The following RBFOX1 variants were observed in gnomAD, a reference collection of about 807,000 sequenced individuals.
RBFOX1 encodes the protein RNA binding fox-1 homolog 1, also known as RNA binding protein fox-1 homolog 1.
A neutral mutation model predicts 57.7 loss-of-function variants in RBFOX1; 8 were observed. The observed-to-expected ratio is 0.14, with a 90% confidence interval of 0.08 to 0.25. The LOEUF is 0.25. Among genes scored for constraint, RBFOX1 ranks in the 10% least tolerant of loss-of-function variants. The probability of loss-of-function intolerance (pLI) is 1.00; values close to 1 mark genes in which losing one functional copy is unlikely to be tolerated. For missense variants in RBFOX1, 611 were observed against 548.5 expected (o/e 1.11, Z -1.14); for synonymous variants, 326 against 222.4 (o/e 1.47, Z -4.15).
chr16:7,573,779 G>C (rs2093033731), intron 5 of RBFOX1, among the ~76,000 whole-genome samples: 1 of 151,926 alleles, frequency 6.6e-6, no homozygotes, highest in African/African-American at 2.4e-5. Flanking sequence ...AGGTTGCAGT[G>C]AGGTAAGATT....
chr16:7,175,272 T>C (rs1429641302), intron 4 of RBFOX1, among the ~76,000 whole-genome samples: 2 of 152,098 alleles, frequency 1.3e-5, no homozygotes, highest in Non-Finnish European at 2.9e-5. Context: ...ATTTTTCAGC[T>C]CCCACTTATA....
chr16:6,199,706 G>T (rs764062696), intron 1 of RBFOX1, among the ~76,000 whole-genome samples: 13 of 152,012 alleles, frequency 8.6e-5, no homozygotes, highest in Non-Finnish European at 1.6e-4. Flanking sequence ...GAGATGAGGG[G>T]GTAGCAGATG....
intron 5 of RBFOX1, among the ~76,000 whole-genome samples, chr16:7,534,417 A>G (rs2080985936): frequency 6.6e-6 from 1 of 152,016 alleles, no homozygotes; most frequent in African/African-American, 2.4e-5. Flanking sequence ...TTAAACACTG[A>G]GGACACACAA....
intron 11 of RBFOX1, among the ~76,000 whole-genome samples, chr16:7,647,115 A>G (rs2063896802): frequency 6.6e-6 from 1 of 152,158 alleles, no homozygotes; most frequent in African/African-American, 2.4e-5. Context: ...CTTCCATTTC[A>G]TCGAGTTCCA....
intron 14 of RBFOX1, chr16:7,693,472 T>A: frequency 1.2e-6 from 1 of 862,068 alleles, no homozygotes; most frequent in Non-Finnish European, 1.8e-6. Context: ...CTAGAAAGTT[T>A]AGTTAAGAAA....
intron 3 of RBFOX1, among the ~76,000 whole-genome samples, chr16:5,655,666 T>G (rs933841643): frequency 6.6e-6 from 1 of 152,170 alleles, no homozygotes; most frequent in Non-Finnish European, 1.5e-5. Flanking sequence ...GCAGATGAAA[T>G]GGGAGTGCAT....
chr16:7,252,828 C>T (rs1273501839), intron 4 of RBFOX1, among the ~76,000 whole-genome samples: 1 of 151,654 alleles, frequency 6.6e-6, no homozygotes, highest in African/African-American at 2.4e-5. Flanking sequence ...GGGATGTGAA[C>T]GTGGTACCTA....
intron 2 of RBFOX1, among the ~76,000 whole-genome samples, chr16:6,554,809 C>G (rs528577402): frequency 1.5e-5 from 2 of 130,748 alleles, no homozygotes; most frequent in Admixed American, 1.4e-4. Flanking sequence ...CACAGATAAA[C>G]ACACAGACAC....
At chr16:7,353,175 A>G (rs1482737088) in intron 4 of RBFOX1, among the ~76,000 whole-genome samples, 2 of 152,182 alleles carry the variant, frequency 1.3e-5, no homozygotes, top group South Asian at 2.1e-4. Context: ...TGTAGCCTAA[A>G]TTGATTCACA....
chr16:6,977,572 G>T (rs1000108665), intron 3 of RBFOX1, among the ~76,000 whole-genome samples: 1 of 152,080 alleles, frequency 6.6e-6, no homozygotes, highest in Non-Finnish European at 1.5e-5. Flanking sequence ...ACACACGTCT[G>T]TGGTTCCTAA....
chr16:6,511,144 G>T (rs1373818927), intron 2 of RBFOX1, among the ~76,000 whole-genome samples: 1 of 152,144 alleles, frequency 6.6e-6, no homozygotes, highest in Admixed American at 6.6e-5. Flanking sequence ...GTGCCTCCTG[G>T]TGTTACGCTG....
At chr16:5,395,687 G>A (rs1274946812) in intron 1 of RBFOX1, among the ~76,000 whole-genome samples, 1 of 152,208 alleles carries the variant, frequency 6.6e-6, no homozygotes, top group East Asian at 1.9e-4. Flanking sequence ...TTAGCCAACA[G>A]AATGTGGCAA....
At chr16:5,357,375 G>T (rs2065419802) in intron 1 of RBFOX1, among the ~76,000 whole-genome samples, 1 of 152,210 alleles carries the variant, frequency 6.6e-6, no homozygotes, top group Non-Finnish European at 1.5e-5. Context: ...TTGCTCTGGG[G>T]TGTAAATGCA....
At chr16:5,397,513 C>T (rs1388961541) in intron 1 of RBFOX1, among the ~76,000 whole-genome samples, 1 of 152,170 alleles carries the variant, frequency 6.6e-6, no homozygotes, top group East Asian at 1.9e-4. Context: ...CAACCCCATT[C>T]CCCTCTGTAC....
intron 1 of RBFOX1, among the ~76,000 whole-genome samples, chr16:5,393,135 A>G (rs2066459312): frequency 6.6e-6 from 1 of 152,036 alleles, no homozygotes; most frequent in Non-Finnish European, 1.5e-5. Context: ...AGTGATGGAA[A>G]TGGACTCTTG....
intron 4 of RBFOX1, among the ~76,000 whole-genome samples, chr16:7,329,662 A>G (rs1012870569): frequency 1.3e-5 from 2 of 152,376 alleles, no homozygotes; most frequent in African/African-American, 4.8e-5. Flanking sequence ...ACAATAATAT[A>G]TAAATACAAA....
intron 3 of RBFOX1, among the ~76,000 whole-genome samples, chr16:6,952,442 T>A (rs2080957254): frequency 6.6e-6 from 1 of 151,644 alleles, no homozygotes; most frequent in Non-Finnish European, 1.5e-5. Flanking sequence ...AGCCCAGGAG[T>A]TTGAGACCAG....
chr16:6,193,075 C>G (rs1385185293), intron 1 of RBFOX1, among the ~76,000 whole-genome samples: 2 of 151,858 alleles, frequency 1.3e-5, no homozygotes, highest in African/African-American at 2.4e-5. Flanking sequence ...TGTGACGTAC[C>G]TCCCGAAGAT....
intron 2 of RBFOX1, among the ~76,000 whole-genome samples, chr16:6,417,702 C>T (rs1230781997): frequency 6.9e-6 from 1 of 145,640 alleles, no homozygotes; most frequent in African/African-American, 2.5e-5. Flanking sequence ...AAACTCCTTT[C>T]TTTTTAAAAA....
Sources: gnomAD v4.1 joint callset for allele counts (sites outside exome capture counted in the v4.1 genomes callset) on GRCh38, gnomAD v4.1.1 for gene constraint, MANE v1.5 for transcripts, NCBI Gene and HGNC (gene_info 2026-07-23, HGNC 2026-07-21) for gene names.